Variants in CHRNA7 observed in about 807,000 individuals in gnomAD.
CHRNA7 encodes neuronal acetylcholine receptor subunit alpha-7.
A neutral mutation model predicts 48.0 loss-of-function variants in CHRNA7; 17 were observed. That is an observed-to-expected ratio of 0.35 (90% CI 0.24 to 0.53). CHRNA7 has a LOEUF of 0.53. Among genes scored for constraint, CHRNA7 ranks in the 20% least tolerant of loss-of-function variants. The pLI, the probability that CHRNA7 is intolerant of heterozygous loss-of-function variation, is 0.92. For missense variants in CHRNA7, 155 were observed against 577.7 expected (o/e 0.27, Z 7.50); for synonymous variants, 75 against 242.3 (o/e 0.31, Z 6.41).
chr15:32,110,826 G>C (rs1321797864), intron 3 of CHRNA7, among the ~76,000 whole-genome samples: 3 of 152,204 alleles, frequency 2.0e-5, no homozygotes, highest in Non-Finnish European at 4.4e-5. Flanking sequence ...CCATGTATTT[G>C]ATTGTGAGGA....
intron 3 of CHRNA7, among the ~76,000 whole-genome samples, chr15:32,110,791 T>C (rs1294108408): frequency 6.6e-6 from 1 of 152,190 alleles, no homozygotes; most frequent in Non-Finnish European, 1.5e-5. Flanking sequence ...TTAGTGCAAA[T>C]AGGCATGTTT....
chr15:32,142,943 T>A (rs558434057), intron 4 of CHRNA7, among the ~76,000 whole-genome samples: 2 of 152,216 alleles, frequency 1.3e-5, no homozygotes, highest in African/African-American at 4.8e-5. Flanking sequence ...ATCTTAATTA[T>A]TTCTTTCCTT....
At chr15:32,114,371 AG>A (rs1409400340) in intron 4 of CHRNA7, among the ~76,000 whole-genome samples, 2 of 152,082 alleles carry the variant, frequency 1.3e-5, no homozygotes, top group East Asian at 3.9e-4. Context: ...AAATGTTACC[AG>A]GGTCCAGGCC....
At chr15:32,064,272 T>A (rs138454966) in intron 2 of CHRNA7, among the ~76,000 whole-genome samples, 41 of 152,162 alleles carry the variant, frequency 2.7e-4, no homozygotes, top group African/African-American at 9.6e-4. Flanking sequence ...CCTTCTTCTT[T>A]CTTTCTTCTG....
intron 2 of CHRNA7, among the ~76,000 whole-genome samples, chr15:32,062,665 A>G (rs913212133): frequency 1.3e-5 from 2 of 152,150 alleles, no homozygotes; most frequent in Non-Finnish European, 2.9e-5. Flanking sequence ...CAGCTTTCTG[A>G]CATCAACTGA....
chr15:32,048,202 A>T (rs1016907965), intron 2 of CHRNA7, among the ~76,000 whole-genome samples: 2 of 152,056 alleles, frequency 1.3e-5, no homozygotes, highest in Non-Finnish European at 2.9e-5. Flanking sequence ...AGTTAGGGAG[A>T]TTCCCTCTTT....
intron 4 of CHRNA7, among the ~76,000 whole-genome samples, chr15:32,135,951 T>A (rs963489006): frequency 1.3e-5 from 2 of 152,130 alleles, no homozygotes; most frequent in Non-Finnish European, 2.9e-5. Context: ...AGGAAATAAT[T>A]GTCAACCTAG....
chr15:32,112,695 C>T (rs1273886652), intron 4 of CHRNA7, among the ~76,000 whole-genome samples: 1 of 152,156 alleles, frequency 6.6e-6, no homozygotes. Flanking sequence ...AGAAGGAAGC[C>T]CAGGCTTTCC....
At chr15:32,058,061 G>A (rs1486940886) in intron 2 of CHRNA7, among the ~76,000 whole-genome samples, 1 of 152,154 alleles carries the variant, frequency 6.6e-6, no homozygotes, top group Non-Finnish European at 1.5e-5. Flanking sequence ...TAGTGATTTA[G>A]GCCAGGGAGT....
intron 4 of CHRNA7, among the ~76,000 whole-genome samples, chr15:32,144,992 G>T (rs926621076): frequency 2.0e-5 from 3 of 152,170 alleles, no homozygotes; most frequent in Non-Finnish European, 2.9e-5. Flanking sequence ...TGGAGAAGAA[G>T]GGGTGCTCTG....
At chr15:32,071,194 C>A (rs1165447557) in intron 2 of CHRNA7, among the ~76,000 whole-genome samples, 3 of 152,120 alleles carry the variant, frequency 2.0e-5, no homozygotes, top group Non-Finnish European at 4.4e-5. Flanking sequence ...CACTGTAAAT[C>A]TTCAAATCTG....
chr15:32,121,985 G>A (rs886156298), intron 4 of CHRNA7, among the ~76,000 whole-genome samples: 1 of 152,174 alleles, frequency 6.6e-6, no homozygotes, highest in Non-Finnish European at 1.5e-5. Flanking sequence ...GGCCACAGTC[G>A]CCTACTCTGG....
intron 2 of CHRNA7, among the ~76,000 whole-genome samples, chr15:32,033,060 A>G (rs1424242839): frequency 6.6e-6 from 1 of 152,164 alleles, no homozygotes; most frequent in African/African-American, 2.4e-5. Flanking sequence ...TAGGAAATGC[A>G]TGTGAAGAAG....
At chr15:32,037,184 A>G (rs1484351752) in intron 2 of CHRNA7, among the ~76,000 whole-genome samples, 1 of 152,188 alleles carries the variant, frequency 6.6e-6, no homozygotes, top group African/African-American at 2.4e-5. Flanking sequence ...TGTTGAAAAG[A>G]TGATCTTTGC....
At chr15:32,083,520 A>G (rs2050248482) in intron 2 of CHRNA7, among the ~76,000 whole-genome samples, 1 of 152,236 alleles carries the variant, frequency 6.6e-6, no homozygotes, top group African/African-American at 2.4e-5. Flanking sequence ...GTTCTAGGTT[A>G]TAATAAATGT....
intron 4 of CHRNA7, 148 bp downstream of exon 4, chr15:32,112,047 C>G (rs2050771082): frequency 1.1e-5 from 7 of 659,680 alleles, no homozygotes; most frequent in Non-Finnish European, 1.6e-5. Flanking sequence ...GCGGCCAGGC[C>G]TTTGAGAAGC....
intron 2 of CHRNA7, among the ~76,000 whole-genome samples, chr15:32,089,691 A>G (rs370930416): frequency 6.6e-6 from 1 of 152,282 alleles, no homozygotes; most frequent in East Asian, 1.9e-4. Context: ...TATCATATCT[A>G]AGTCCTGTTC....
chr15:32,040,969 T>A (rs2141170429), intron 2 of CHRNA7, among the ~76,000 whole-genome samples: 1 of 152,298 alleles, frequency 6.6e-6, no homozygotes, highest in Non-Finnish European at 1.5e-5. Context: ...TCAACACTAA[T>A]TATTTTACTC....
At chr15:32,105,948 C>T (rs1241491150) in intron 3 of CHRNA7, among the ~76,000 whole-genome samples, 1 of 152,118 alleles carries the variant, frequency 6.6e-6, no homozygotes, top group Non-Finnish European at 1.5e-5. Context: ...TGCTCCCCGC[C>T]CCCACCCAGT....
Sources: gnomAD v4.1 joint callset for allele counts (sites outside exome capture counted in the v4.1 genomes callset) on GRCh38, gnomAD v4.1.1 for gene constraint, MANE v1.5 for transcripts, NCBI Gene and HGNC (gene_info 2026-07-23, HGNC 2026-07-21) for gene names.